The following SCN3A variants were observed in gnomAD, a reference collection of about 807,000 sequenced individuals.
The protein encoded by SCN3A is sodium channel protein type 3 subunit alpha.
In SCN3A, 60 loss-of-function variants were observed where a neutral mutation model predicts 187.6. The observed-to-expected ratio is 0.32, with a 90% CI of 0.26 to 0.40. The LOEUF is 0.40. Ranked by LOEUF, SCN3A falls within the 10% of genes least tolerant of loss-of-function variation. SCN3A has a pLI of 1.00. For synonymous variants in SCN3A, 788 were observed against 829.2 expected (o/e 0.95, Z 0.85); for missense variants, 1,601 against 2,428.2 (o/e 0.66, Z 7.16).
intron 3 of SCN3A, among the ~76,000 whole-genome samples, chr2:165,172,965 A>G (rs1476605129): frequency 6.6e-6 from 1 of 152,178 alleles, no homozygotes; most frequent in Non-Finnish European, 1.5e-5. Flanking sequence ...GGCTCTGATG[A>G]TATGAAGAGA....
Position 165,140,751 on chromosome 2 carries a change from G to C in SCN3A, c.1919C>G (p.Ala640Gly). The change falls in exon 13 of 28, where the codon GCA (alanine) becomes GGA (glycine). Residue 640 changes from alanine to glycine, a missense_variant. Physicochemically the swap from Ala to Gly is moderately conservative, Grantham distance 60 (BLOSUM62 0). Transcript: ENST00000283254. This position sits in a 1 kb window ranked among gnomAD's most constrained non-coding sequence, Gnocchi z 4.2. ...MSSRMVPGLPANGKMHSTVDC... is the reference protein window; with the variant it reads ...MSSRMVPGLPGNGKMHSTVDC... ...CACAGTGCTGTGCATCTTCCCATTT[G>C]CTGGAAGCCCTGGCACCATCCTGGA... 2 of 1,614,006 alleles carry C rather than the reference G, an allele frequency of 1.2e-6. No individual in the cohort carries two copies. The highest frequency in any genetic ancestry group is 1.7e-6 in the Non-Finnish European group (2 of 1,179,974).
At chr2:165,157,816 A>G (rs1487533395) in intron 9 of SCN3A, among the ~76,000 whole-genome samples, 5 of 152,162 alleles carry the variant, frequency 3.3e-5, no homozygotes, top group African/African-American at 1.2e-4. Flanking sequence ...CAATTCAATG[A>G]TATTTCATTT....
chr2:165,125,429 G>A (rs940162361), intron 18 of SCN3A, among the ~76,000 whole-genome samples: 4 of 151,776 alleles, frequency 2.6e-5, no homozygotes, highest in Admixed American at 6.6e-5. Context: ...TCAGCCTCCC[G>A]AGTAGCTGGG....
At chr2:165,128,480 T>C (rs886924634) in intron 17 of SCN3A, among the ~76,000 whole-genome samples, 2 of 152,150 alleles carry the variant, frequency 1.3e-5, no homozygotes, top group Non-Finnish European at 2.9e-5. Context: ...CATTTTATCT[T>C]ACTTCATCTT....
At chr2:165,132,478 G>C (rs571827195) in intron 15 of SCN3A, among the ~76,000 whole-genome samples, 1 of 152,040 alleles carries the variant, frequency 6.6e-6, no homozygotes, top group African/African-American at 2.4e-5. Flanking sequence ...ATAATGCCAC[G>C]TATCTACAAC....
At chr2:165,127,027 G>C (rs1384553800) in intron 18 of SCN3A, among the ~76,000 whole-genome samples, 1 of 152,174 alleles carries the variant, frequency 6.6e-6, no homozygotes, top group Non-Finnish European at 1.5e-5. Flanking sequence ...ATGTAGTTGA[G>C]AGTGTAATGT....
At chr2:165,166,530 A>T (rs1574278876) in intron 5 of SCN3A, among the ~76,000 whole-genome samples, 1 of 152,224 alleles carries the variant, frequency 6.6e-6, no homozygotes, top group African/African-American at 2.4e-5. Context: ...AAAATTAAAT[A>T]AAATGCAGTC....
chr2:165,144,783 T>G (rs1459644366), intron 12 of SCN3A, among the ~76,000 whole-genome samples: 3 of 152,130 alleles, frequency 2.0e-5, no homozygotes. Flanking sequence ...TGGAAAAAAT[T>G]TCCATGAGGT....
chr2:165,145,351 T>C (rs1273955923), intron 12 of SCN3A, among the ~76,000 whole-genome samples: 1 of 152,128 alleles, frequency 6.6e-6, no homozygotes, highest in Non-Finnish European at 1.5e-5. Flanking sequence ...AAGTTGCCCT[T>C]CAGAGCTTCA....
intron 2 of SCN3A, among the ~76,000 whole-genome samples, chr2:165,186,261 C>T (rs1691230826): frequency 6.6e-6 from 1 of 151,436 alleles, no homozygotes; most frequent in African/African-American, 2.4e-5. Context: ...CAGAGAGAGA[C>T]TCTGTCTCAA....
chr2:165,149,878 CTG>C (rs1356075503), intron 11 of SCN3A, among the ~76,000 whole-genome samples: 1 of 152,202 alleles, frequency 6.6e-6, no homozygotes, highest in Non-Finnish European at 1.5e-5. Flanking sequence ...CTCACTGTAT[CTG>C]TGTGTCCGTA....
At chr2:165,181,156 T>C (rs563215249) in intron 2 of SCN3A, among the ~76,000 whole-genome samples, 2 of 152,348 alleles carry the variant, frequency 1.3e-5, no homozygotes, top group African/African-American at 2.4e-5. Flanking sequence ...TAAATGCTTC[T>C]GTGTTCAGTC....
chr2:165,184,500 G>GAAA (rs66514310), intron 2 of SCN3A, among the ~76,000 whole-genome samples: 1 of 105,598 alleles, frequency 9.5e-6, no homozygotes, highest in Non-Finnish European at 2.0e-5. Flanking sequence ...AAAAAAAAAA[G>GAAA]AAAAAAAAAA....
chr2:165,175,720 T>G (rs530237500), intron 3 of SCN3A, among the ~76,000 whole-genome samples: 2 of 152,270 alleles, frequency 1.3e-5, no homozygotes, highest in South Asian at 4.1e-4. Context: ...TATAAATTAT[T>G]GTGAAGGTAC....
intron 9 of SCN3A, among the ~76,000 whole-genome samples, chr2:165,157,976 T>C (rs774189600): frequency 6.6e-6 from 1 of 152,142 alleles, no homozygotes; most frequent in Non-Finnish European, 1.5e-5. Flanking sequence ...TCCAGGCTCA[T>C]CTTTTATAAT....
At chr2:165,147,994 A>G (rs1245319981) in intron 11 of SCN3A, among the ~76,000 whole-genome samples, 1 of 152,176 alleles carries the variant, frequency 6.6e-6, no homozygotes, top group African/African-American at 2.4e-5. Context: ...TTATGACAAT[A>G]TCAGTTAAAC....
intron 3 of SCN3A, among the ~76,000 whole-genome samples, chr2:165,173,623 CT>C (rs1690258406): frequency 2.0e-5 from 3 of 152,274 alleles, no homozygotes; most frequent in Admixed American, 2.0e-4. Context: ...AAATGTATCA[CT>C]AATTAATGAT....
At chr2:165,097,770 G>C (rs75463848) in intron 22 of SCN3A, among the ~76,000 whole-genome samples, 248 of 152,204 alleles carry the variant, frequency 1.6e-3, no homozygotes, top group African/African-American at 5.7e-3. Flanking sequence ...TAAAAACCTG[G>C]TATAGTAAGA....
intron 22 of SCN3A, among the ~76,000 whole-genome samples, chr2:165,099,960 T>C (rs1559182950): frequency 6.6e-6 from 1 of 152,114 alleles, no homozygotes; most frequent in Non-Finnish European, 1.5e-5. Context: ...AGAAAGAAAC[T>C]CCCCACCACG....
Sources: gnomAD v4.1 joint callset for allele counts (sites outside exome capture counted in the v4.1 genomes callset) on GRCh38, gnomAD v4.1.1 for gene constraint, Gnocchi (gnomAD v3.1) non-coding constraint, MANE v1.5 for transcripts, NCBI Gene and HGNC (gene_info 2026-07-23, HGNC 2026-07-21) for gene names.